Variants in C3orf20 observed in about 807,000 individuals in gnomAD.
The protein encoded by C3orf20 is uncharacterized protein C3orf20.
A neutral mutation model predicts 88.3 loss-of-function variants in C3orf20; 76 were observed. The observed-to-expected ratio is 0.86, with a 90% CI of 0.72 to 1.04. C3orf20 has a LOEUF of 1.04. Among genes scored for constraint, C3orf20 ranks in the 50% least tolerant of loss-of-function variants. The pLI is 0.00. For missense variants in C3orf20, 1,056 were observed against 1,123.3 expected (o/e 0.94, Z 0.86); for synonymous variants, 436 against 437.4 (o/e 1.00, Z 0.04).
At chr3:14,771,757 GC>G (rs1040197903) in intron 15 of C3orf20, among the ~76,000 whole-genome samples, 7 of 149,658 alleles carry the variant, frequency 4.7e-5, no homozygotes, top group African/African-American at 1.8e-4. Flanking sequence ...CATTTCCTTT[GC>G]CCCCTGTCAT....
chr3:14,680,908 A>G (rs565355255), intron 1 of C3orf20, among the ~76,000 whole-genome samples: 1 of 152,216 alleles, frequency 6.6e-6, no homozygotes, highest in Non-Finnish European at 1.5e-5. Context: ...TGGACTTATC[A>G]TTTCAAAAAC....
intron 4 of C3orf20, among the ~76,000 whole-genome samples, chr3:14,689,366 T>C (rs2032600560): frequency 6.6e-6 from 1 of 152,166 alleles, no homozygotes; most frequent in South Asian, 2.1e-4. Context: ...GAGTGAGCTG[T>C]GATGAGTGAA....
At chr3:14,755,235 G>T (rs535555505) in intron 12 of C3orf20, among the ~76,000 whole-genome samples, 3 of 152,008 alleles carry the variant, frequency 2.0e-5, no homozygotes, top group South Asian at 4.2e-4. Flanking sequence ...GATAGTTTTG[G>T]TTTTTTGTGT....
chr3:14,766,929 A>AGGAGCGTGGCCAGGCAGCTTTGT (rs1375632533), intron 15 of C3orf20: 57 of 105,154 alleles, frequency 5.4e-4, no homozygotes, highest in African/African-American at 2.7e-3. Context: ...GGCGGCTTTG[A>AGGAGCGTGGCCAGGCAGCTTTGT]GGAGCGTGGC....
At chr3:14,703,296 A>G (rs772584934) in intron 6 of C3orf20, 34 bp downstream of exon 6, 47 of 1,612,360 alleles carry the variant, frequency 2.9e-5, no homozygotes, top group Admixed American at 1.2e-4. Flanking sequence ...GGGGGAGTCA[A>G]GGGTTCTCAG....
intron 5 of C3orf20, among the ~76,000 whole-genome samples, chr3:14,694,008 T>C (rs943360848): frequency 7.2e-5 from 11 of 152,218 alleles, no homozygotes; most frequent in African/African-American, 2.7e-4. Flanking sequence ...GATTTGCATA[T>C]GTTGAACCAT....
At chr3:14,675,405 G>C (rs1467033841) in intron 1 of C3orf20, among the ~76,000 whole-genome samples, 153 bp downstream of exon 1, 2 of 152,196 alleles carry the variant, frequency 1.3e-5, no homozygotes, top group East Asian at 3.9e-4. Context: ...TTTAAAGTGT[G>C]TGTACTGGGG....
intron 7 of C3orf20, 122 bp downstream of exon 7, chr3:14,704,740 T>A: frequency 8.4e-7 from 1 of 1,191,966 alleles, no homozygotes; most frequent in Non-Finnish European, 1.2e-6. Context: ...TGGTGATGGG[T>A]CTCCTGGGTA....
intron 5 of C3orf20, among the ~76,000 whole-genome samples, chr3:14,700,838 T>A (rs1211618894): frequency 6.6e-6 from 1 of 152,238 alleles, no homozygotes; most frequent in Non-Finnish European, 1.5e-5. Flanking sequence ...GAAGTCACTT[T>A]GGGTGTCGGG....
rs1172562058 is a variant in C3orf20 at position 14,688,135 on chromosome 3, C to T, written c.626-1862C>T. Among the ~76,000 whole-genome samples, 3 of 152,196 alleles carry T rather than the reference C, an allele frequency of 2.0e-5. No homozygotes were observed. In the South Asian group the frequency reaches 6.2e-4, roughly 31 times the overall value. The stretch of plus-strand genomic sequence containing the variant: ...CTCCTGGGGCATAAAAAAGAAGATT[C>T]AAACTCTGATGATTTGTTTTGCATG... On this transcript the variant is annotated intron_variant, in intron 4 of 16. Transcript: ENST00000253697.
intron 7 of C3orf20, among the ~76,000 whole-genome samples, chr3:14,711,932 T>G (rs1282454787): frequency 6.6e-6 from 1 of 152,176 alleles, no homozygotes; most frequent in African/African-American, 2.4e-5. Context: ...CATTTTGATT[T>G]ACTTCTCATT....
In C3orf20 at chr3:14,747,393, C is replaced by T. The variant is rs529270631; in HGVS notation, c.1941-9978C>T. Reference sequence around the variant, plus strand: ...TGTTAAACTCCCTGTGTGGCCCACCCATTAAGCGTAAACCTTGTCTTTTGA... The same window carrying T: ...TGTTAAACTCCCTGTGTGGCCCACCTATTAAGCGTAAACCTTGTCTTTTGA... On this transcript the variant is annotated intron_variant, in intron 12 of 16. Coordinates refer to ENST00000253697, the MANE Select transcript of C3orf20 (RefSeq NM_032137.5). 3.3e-5 allele frequency among the ~76,000 whole-genome samples: 5 copies of T among 152,282 alleles called. No homozygotes were observed. The East Asian group carries it at 7.7e-4, about 24-fold the overall frequency.
At chr3:14,706,635 G>A (rs931190548) in intron 7 of C3orf20, among the ~76,000 whole-genome samples, 3 of 145,502 alleles carry the variant, frequency 2.1e-5, no homozygotes, top group African/African-American at 5.1e-5. Context: ...TCACATCCTC[G>A]CAATTAATGC....
chr3:14,702,603 G>A (rs141318556), intron 5 of C3orf20, among the ~76,000 whole-genome samples: 11 of 152,104 alleles, frequency 7.2e-5, no homozygotes, highest in South Asian at 4.2e-4. Flanking sequence ...AGCACGCCCA[G>A]TTAATTTTTG....
intron 12 of C3orf20, among the ~76,000 whole-genome samples, chr3:14,748,706 C>A (rs548564169): frequency 1.3e-5 from 2 of 152,092 alleles, no homozygotes; most frequent in South Asian, 4.2e-4. Context: ...CTTCTTTGAC[C>A]CATTTGTTGT....
intron 9 of C3orf20, among the ~76,000 whole-genome samples, chr3:14,716,274 A>T (rs1286070662): frequency 6.6e-6 from 1 of 152,204 alleles, no homozygotes; most frequent in Non-Finnish European, 1.5e-5. Flanking sequence ...AGTCTAAGGG[A>T]CTAATAAGAA....
At chr3:14,712,180 GCGCACA>G (rs74580487) in intron 7 of C3orf20, among the ~76,000 whole-genome samples, 2,430 of 108,802 alleles carry the variant, frequency 0.022, 34 homozygotes, top group South Asian at 0.055. Context: ...ACACGCGCGC[GCGCACA>G]CACACACACA....
chr3:14,750,552 C>A (rs1453554402), intron 12 of C3orf20, among the ~76,000 whole-genome samples: 1 of 83,136 alleles, frequency 1.2e-5, no homozygotes. Context: ...GAGACCCTGT[C>A]TTAAAAAAAA....
chr3:14,714,295 C>A, intron 8 of C3orf20, 136 bp downstream of exon 8: 3 of 944,764 alleles, frequency 3.2e-6, no homozygotes, highest in Non-Finnish European at 3.2e-6. Flanking sequence ...GGCAGTGAGG[C>A]AGGGCTGAGG....
Sources: allele counts gnomAD v4.1 joint callset (sites outside exome capture counted in the v4.1 genomes callset), GRCh38; gene constraint gnomAD v4.1.1; transcripts MANE v1.5; gene names NCBI Gene and HGNC (gene_info 2026-07-23, HGNC 2026-07-21).